Variants in FER1L6 observed in about 807,000 individuals in gnomAD.
The protein encoded by FER1L6 is fer-1-like protein 6.
A neutral mutation model predicts 219.2 loss-of-function variants in FER1L6; 177 were observed. That is an observed-to-expected ratio of 0.81 (90% CI 0.71 to 0.91). The LOEUF is 0.91. FER1L6 is among the 40% of genes least tolerant of loss of function. FER1L6 has a pLI of 0.00. For missense variants in FER1L6, 2,153 were observed against 2,259.9 expected (o/e 0.95, Z 0.96); for synonymous variants, 768 against 824.3 (o/e 0.93, Z 1.17).
At chr8:123,992,190 GA>G (rs1816891059) in intron 12 of FER1L6, among the ~76,000 whole-genome samples, 1 of 152,090 alleles carries the variant, frequency 6.6e-6, no homozygotes. Flanking sequence ...CCTGGTTTTG[GA>G]ATCAGGGTGA....
chr8:124,114,969 C>A (rs1430791402), intron 39 of FER1L6, among the ~76,000 whole-genome samples: 1 of 139,534 alleles, frequency 7.2e-6, no homozygotes, highest in Admixed American at 7.5e-5. Flanking sequence ...GCATACTTTC[C>A]TCCATTAGCA....
intron 22 of FER1L6, among the ~76,000 whole-genome samples, chr8:124,050,513 C>A (rs1819962247): frequency 6.6e-6 from 1 of 152,116 alleles, no homozygotes; most frequent in African/African-American, 2.4e-5. Flanking sequence ...AGAGATTTCT[C>A]CCCTTGACCT....
chr8:124,075,126 T>G (rs1821224487), intron 31 of FER1L6, among the ~76,000 whole-genome samples: 1 of 152,212 alleles, frequency 6.6e-6, no homozygotes, highest in Non-Finnish European at 1.5e-5. Context: ...CATTTTTCCT[T>G]ATTCAATAAT....
In FER1L6 at chr8:124,119,696, T is replaced by C. The variant is rs375758950; in HGVS notation, c.5480T>C (p.Ile1827Thr). The C allele has an allele frequency of 1.7e-4, 278 of 1,613,338 alleles. 1 individual carries two copies. The highest frequency in any genetic ancestry group is 1.7e-3 in the South Asian group (152 of 91,064). ...IWKNYKKYII[I>T]AFILIILIIF... Reference sequence around the variant, plus strand: ...AAGAATTACAAAAAGTACATCATCATTGCTTTCATTCTCATCATCCTCATC... The same window carrying C: ...AAGAATTACAAAAAGTACATCATCACTGCTTTCATTCTCATCATCCTCATC... The change falls in exon 41 of 41, where the codon ATT becomes ACT. Residue 1827 changes from isoleucine (I) to threonine (T), a missense_variant. Coordinates refer to ENST00000522917, the MANE Select transcript of FER1L6 (RefSeq NM_001039112.2).
rs1346494073 is a variant in FER1L6 at position 123,977,549 on chromosome 8, G to A, written c.1003G>A (p.Ala335Thr). 18 of 1,614,000 alleles carry A rather than the reference G, an allele frequency of 1.1e-5. No homozygotes were observed. Among genetic ancestry groups the A allele is most frequent in the Admixed American group, 3.3e-5 (2 of 59,996 alleles). Residue 335 changes from alanine to threonine, a missense_variant, in exon 10 of 41, where the codon GCC becomes ACC. Coordinates refer to ENST00000522917, the MANE Select transcript of FER1L6 (RefSeq NM_001039112.2). The stretch of plus-strand genomic sequence containing the variant: ...GGATGAAGGCAGCATGAATGACGTA[G>A]CCCTGGCAACCCATTTCATTGACCT... The part of the protein sequence containing the change: ...VWDEGSMNDV[A>T]LATHFIDLKK...
At chr8:124,097,072 G>GATATATATATATATATAT (rs565301549) in intron 35 of FER1L6, among the ~76,000 whole-genome samples, 199 bp from the exon 36 acceptor site, 18 of 146,832 alleles carry the variant, frequency 1.2e-4, no homozygotes, top group African/African-American at 4.6e-4. Context: ...AATTCCTAAA[G>GATATATATATATATATAT]ATATATATAT....
chr8:123,986,204 C>G, intron 12 of FER1L6, 28 bp downstream of exon 12: 1 of 1,307,962 alleles, frequency 7.6e-7, no homozygotes, highest in Non-Finnish European at 1.1e-6. Context: ...CAGTGCCAGG[C>G]ACATAGCATG....
intron 12 of FER1L6, among the ~76,000 whole-genome samples, chr8:123,988,629 C>T (rs1203816172): frequency 6.6e-6 from 1 of 152,080 alleles, no homozygotes; most frequent in Non-Finnish European, 1.5e-5. Context: ...TCACATTGTT[C>T]ACTGTTGGCA....
At chr8:124,007,050 T>G (rs1470552501) in intron 13 of FER1L6, among the ~76,000 whole-genome samples, 1 of 152,232 alleles carries the variant, frequency 6.6e-6, no homozygotes, top group East Asian at 1.9e-4. Context: ...TTTGTTCTCC[T>G]GCTGTAATAA....
chr8:123,901,952 C>A (rs185711995), intron 1 of FER1L6, among the ~76,000 whole-genome samples: 2 of 152,136 alleles, frequency 1.3e-5, no homozygotes, highest in East Asian at 3.9e-4. Flanking sequence ...AATCTCCAGA[C>A]TTCGTTATCC....
In FER1L6 at chr8:124,076,180, T is replaced by G. The variant is rs778018007; in HGVS notation, c.4093-18T>G. 1.2e-6 allele frequency: 2 copies of G among 1,613,498 alleles called. No homozygotes were observed. The highest frequency in any genetic ancestry group is 8.5e-7 in the Non-Finnish European group (1 of 1,179,652). ...TTGAGAGCTATTGAACCAAAGACAT[T>G]TTCTTTTTCCTTTCCAGGCATTTAA... On this transcript the variant is annotated intron_variant, in intron 31 of 40. Transcript: ENST00000522917.
At chr8:123,859,677 A>G (rs544157317) in intron 1 of FER1L6, among the ~76,000 whole-genome samples, 2 of 99,358 alleles carry the variant, frequency 2.0e-5, no homozygotes, top group African/African-American at 8.4e-5. Flanking sequence ...CATTAGGTAT[A>G]TCTCCCAATG....
chr8:123,881,480 G>A (rs979680670), intron 1 of FER1L6, among the ~76,000 whole-genome samples: 2 of 152,208 alleles, frequency 1.3e-5, no homozygotes, highest in African/African-American at 4.8e-5. Flanking sequence ...TGAAGAGTGA[G>A]TTCCTATTTC....
At position 123,934,915 on chromosome 8, in the gene FER1L6, A is replaced by T. The variant is rs569570990; in HGVS notation, c.-7-21077A>T. Among the ~76,000 whole-genome samples, 146 of 152,230 alleles carry T rather than the reference A, an allele frequency of 9.6e-4. 1 individual carries two copies. The highest frequency in any genetic ancestry group is 3.4e-3 in the African/African-American group (142 of 41,522). On this transcript the variant is annotated intron_variant, in intron 1 of 40. Coordinates refer to ENST00000522917, the MANE Select transcript of FER1L6 (RefSeq NM_001039112.2). ...CTCTTTCCTGCTCCGCCATGGTAAG[A>T]TGTGCTTGCTTCCCCTTCTACCATG...
chr8:123,962,399 G>GT (rs139546184), intron 2 of FER1L6, among the ~76,000 whole-genome samples: 1,898 of 151,410 alleles, frequency 0.013, 39 homozygotes, highest in African/African-American at 0.042. Context: ...TTAGAACACA[G>GT]TTTTATTTTT....
intron 18 of FER1L6, among the ~76,000 whole-genome samples, chr8:124,025,301 T>C (rs752134072): frequency 2.6e-5 from 4 of 152,182 alleles, no homozygotes; most frequent in Non-Finnish European, 5.9e-5. Flanking sequence ...AGAGTTTTTA[T>C]GGTTTCAGGT....
At chr8:124,115,122 T>G (rs752083130) in intron 39 of FER1L6, among the ~76,000 whole-genome samples, 5 of 151,224 alleles carry the variant, frequency 3.3e-5, no homozygotes, top group Non-Finnish European at 5.9e-5. Flanking sequence ...TTTGGCACAT[T>G]ATATATGTGG....
chr8:124,064,596 T>A, intron 26 of FER1L6, 23 bp downstream of exon 26: 1 of 1,602,876 alleles, frequency 6.2e-7, no homozygotes, highest in South Asian at 1.1e-5. Flanking sequence ...TCCCTCTCTA[T>A]ATTTACAAGG....
chr8:123,962,978 G>C (rs1344870832), intron 2 of FER1L6, among the ~76,000 whole-genome samples: 1 of 152,202 alleles, frequency 6.6e-6, no homozygotes, highest in Non-Finnish European at 1.5e-5. Flanking sequence ...TGGGGGAGGG[G>C]GTTGCTTAGG....
Sources: allele counts gnomAD v4.1 joint callset (sites outside exome capture counted in the v4.1 genomes callset), GRCh38; gene constraint gnomAD v4.1.1; transcripts MANE v1.5; gene names NCBI Gene and HGNC (gene_info 2026-07-23, HGNC 2026-07-21).